MYH10: variants seen among roughly 807,000 people sequenced by gnomAD.
MYH10 encodes myosin-10.
A neutral mutation model predicts 257.8 loss-of-function variants in MYH10; 55 were observed. The observed-to-expected ratio is 0.21, with a 90% CI of 0.17 to 0.27. MYH10 has a LOEUF of 0.27. Ranked by LOEUF, MYH10 falls within the 10% of genes least tolerant of loss-of-function variation. The probability of loss-of-function intolerance (pLI) is 1.00; values close to 1 mark genes in which losing one functional copy is unlikely to be tolerated. For synonymous variants in MYH10, 854 were observed against 921.7 expected (o/e 0.93, Z 1.33); for missense variants, 1,631 against 2,500.6 (o/e 0.65, Z 7.42).
At chr17:8,510,099 T>C in intron 24 of MYH10, 150 bp from the exon 25 acceptor site, 4 of 762,160 alleles carry the variant, frequency 5.2e-6, no homozygotes, top group Non-Finnish European at 7.5e-6. Flanking sequence ...AGTGCAGTGG[T>C]GCCACCTCGG....
intron 36 of MYH10, among the ~76,000 whole-genome samples, chr17:8,485,234 A>C (rs1410688604): frequency 6.6e-6 from 1 of 152,194 alleles, no homozygotes; most frequent in Non-Finnish European, 1.5e-5. Flanking sequence ...AAGCAATTAC[A>C]TTTATAATAC....
intron 17 of MYH10, among the ~76,000 whole-genome samples, chr17:8,522,523 T>C (rs1386986498): frequency 2.6e-5 from 4 of 152,220 alleles, no homozygotes; most frequent in Admixed American, 6.5e-5. Context: ...TGCTTGTGCA[T>C]TGGAGACTGT....
chr17:8,531,746 G>C (rs1260352282), intron 16 of MYH10, among the ~76,000 whole-genome samples: 6 of 151,758 alleles, frequency 4.0e-5, no homozygotes, highest in African/African-American at 1.2e-4. Context: ...ACCTTCACAG[G>C]CAAACTATAT....
intron 36 of MYH10, among the ~76,000 whole-genome samples, chr17:8,485,796 A>G (rs1436570407): frequency 6.6e-6 from 1 of 152,216 alleles, no homozygotes; most frequent in Non-Finnish European, 1.5e-5. Flanking sequence ...ACACAGAGGT[A>G]CCATATAACC....
intron 7 of MYH10, among the ~76,000 whole-genome samples, chr17:8,557,506 C>T (rs900810202): frequency 6.6e-6 from 1 of 152,184 alleles, no homozygotes; most frequent in Non-Finnish European, 1.5e-5. Flanking sequence ...TGTCCTAACT[C>T]TGCCCCACCA....
intron 33 of MYH10, 122 bp downstream of exon 33, chr17:8,492,654 C>CTTTA: frequency 9.5e-7 from 1 of 1,047,196 alleles, no homozygotes; most frequent in Non-Finnish European, 1.3e-6. Context: ...TTTTTGCTTT[C>CTTTA]CCTTTTTCCA....
Position 8,585,919 on chromosome 17 carries a change from C to T in MYH10, c.530+3162G>A, listed in dbSNP as rs537067368. Among the ~76,000 whole-genome samples the T allele has an allele frequency of 3.3e-5, 5 of 152,270 alleles. No homozygotes were observed. In the East Asian group the frequency reaches 9.6e-4, roughly 29 times the overall value. ...GGGACAGTGTACTGATGTCTATCTA[C>T]AATTGAACTTGAAATGCATCAAATG... On this transcript the variant is annotated intron_variant, in intron 4 of 42. Transcript: ENST00000360416.
intron 19 of MYH10, 108 bp downstream of exon 19, chr17:8,520,770 C>G (rs1422532091): frequency 7.8e-6 from 10 of 1,275,592 alleles, no homozygotes; most frequent in Non-Finnish European, 1.1e-5. Context: ...TATAAGAAAA[C>G]AAACTATGTA....
chr17:8,499,838 C>T (rs1917241198), intron 29 of MYH10, among the ~76,000 whole-genome samples: 1 of 152,198 alleles, frequency 6.6e-6, no homozygotes, highest in African/African-American at 2.4e-5. Context: ...TGAGCAGGCA[C>T]CCTTGGTGCA....
chr17:8,616,870 A>G (rs1055887915), intron 2 of MYH10, among the ~76,000 whole-genome samples: 1 of 152,176 alleles, frequency 6.6e-6, no homozygotes, highest in African/African-American at 2.4e-5. Flanking sequence ...AAATACCAAG[A>G]CACATTATAA....
chr17:8,580,715 T>A (rs546625702), intron 4 of MYH10, among the ~76,000 whole-genome samples: 3 of 152,362 alleles, frequency 2.0e-5, no homozygotes, highest in Admixed American at 6.5e-5. Flanking sequence ...ATTCATTCAT[T>A]CAATCACTTA....
Position 8,569,753 on chromosome 17 carries a change from C to T in MYH10, c.723G>A (p.Ala241=), listed in dbSNP as rs80237173. Reference sequence around the variant, plus strand: ...ATGAGTTATCATTTTTCACAGTCTTCGCATTTCCAAATGATTCCAGAATTG... The same window carrying T: ...ATGAGTTATCATTTTTCACAGTCTTTGCATTTCCAAATGATTCCAGAATTG... ...ANPILESFGN[A]KTVKNDNSSR... Residue 241 remains alanine (A), a synonymous_variant, in exon 7 of 43, where the codon GCG becomes GCA. Coordinates refer to ENST00000360416, the MANE Select transcript of MYH10 (RefSeq NM_001256012.3). This position sits in a 1 kb window ranked among gnomAD's most constrained non-coding sequence, Gnocchi z 4.1. 1,997 of 1,611,938 alleles carry T rather than the reference C, an allele frequency of 1.2e-3. 22 individuals are homozygous for T. In the African/African-American group the frequency reaches 0.022, roughly 18 times the overall value.
chr17:8,539,729 A>G (rs1012101323), intron 14 of MYH10, among the ~76,000 whole-genome samples: 4 of 152,050 alleles, frequency 2.6e-5, no homozygotes, highest in Admixed American at 2.6e-4. Context: ...CTGGTACTAC[A>G]GGCACATGAC....
chr17:8,497,696 G>T lies in MYH10; in HGVS notation c.3951+1574C>A, dbSNP rs1023949478. On this transcript the variant is annotated intron_variant, in intron 30 of 42. Transcript: ENST00000360416. ...AGAGCTTGCAGTGAGCCGAGATTGC[G>T]CCACTGCACTCCAGCCTGGCCGACA... 2.3e-4 allele frequency among the ~76,000 whole-genome samples: 30 copies of T among 132,262 alleles called. 1 individual carries two copies. The highest frequency in any genetic ancestry group is 1.7e-3 in the Admixed American group (20 of 11,608). 86.8% of individuals were successfully genotyped at this position (132,262 alleles called of 152,430 possible). A position where few individuals can be genotyped will look rare whatever the true frequency, so the allele number is the denominator to read the frequency against.
chr17:8,505,701 C>T (rs1011272793), intron 27 of MYH10, among the ~76,000 whole-genome samples: 1 of 152,200 alleles, frequency 6.6e-6, no homozygotes, highest in African/African-American at 2.4e-5. Flanking sequence ...ATACTACAGG[C>T]TGGGTGAGGT....
At chr17:8,539,423 C>T (rs2082232725) in intron 14 of MYH10, among the ~76,000 whole-genome samples, 1 of 152,090 alleles carries the variant, frequency 6.6e-6, no homozygotes, top group Admixed American at 6.6e-5. Context: ...ATTCACAGAG[C>T]ATCAGTTAGA....
chr17:8,561,643 TAA>T (rs35474546), intron 7 of MYH10: 52,142 of 534,758 alleles, frequency 0.098, 23 homozygotes, highest in Middle Eastern at 0.13. Context: ...AAATTGTACT[TAA>T]AAAAAAAAAA....
At chr17:8,614,601 G>A (rs1224209001) in intron 2 of MYH10, among the ~76,000 whole-genome samples, 2 of 152,120 alleles carry the variant, frequency 1.3e-5, no homozygotes, top group Non-Finnish European at 2.9e-5. Flanking sequence ...ACAGGCATGA[G>A]CCACTGTGCC....
At chr17:8,553,880 C>G in intron 8 of MYH10, 75 bp downstream of exon 8, 1 of 1,223,188 alleles carries the variant, frequency 8.2e-7, no homozygotes, top group Non-Finnish European at 1.2e-6. Flanking sequence ...AGTGATATCA[C>G]AGACGGTTGC....
Sources: allele counts gnomAD v4.1 joint callset (sites outside exome capture counted in the v4.1 genomes callset), GRCh38; gene constraint gnomAD v4.1.1; non-coding constraint Gnocchi (gnomAD v3.1); transcripts MANE v1.5; gene names NCBI Gene and HGNC (gene_info 2026-07-23, HGNC 2026-07-21).